Variants in FER observed in about 807,000 individuals in gnomAD.
The protein encoded by FER is FER tyrosine kinase.
In FER, 63 loss-of-function variants were observed where a neutral mutation model predicts 111.0. The ratio of observed to expected loss-of-function variants is 0.57; its 90% CI spans 0.46 to 0.70. FER has a LOEUF of 0.70. Ranked by LOEUF, FER falls within the 30% of genes least tolerant of loss-of-function variation. FER has a pLI of 0.00. For missense variants in FER, 914 were observed against 954.0 expected (o/e 0.96, Z 0.55); for synonymous variants, 327 against 313.9 (o/e 1.04, Z -0.44).
rs376837075 is a variant in FER, at chr5:108,832,750, CTT to C, written c.208-5_208-4del. On this transcript the variant is annotated intron_variant, in intron 3 of 19. Coordinates refer to ENST00000281092, the MANE Select transcript of FER (RefSeq NM_005246.4). ...AAACCTTTAATGCAAATGTTTGTTT[CTT>C]TTTTTTTTTTTTTTAAGTCTTGGCT... The C allele has an allele frequency of 0.013, 15,664 of 1,223,218 alleles. No homozygotes were observed. Among genetic ancestry groups the C allele is most frequent in the South Asian group, 0.027 (1,241 of 45,786 alleles). The allele number at this position is 1,223,218 out of a possible 1,614,324, so 75.8% of individuals were successfully genotyped here. A position where few individuals can be genotyped will look rare whatever the true frequency, so the allele number is the denominator to read the frequency against.
At chr5:109,153,715 C>T (rs1755086244) in intron 17 of FER, among the ~76,000 whole-genome samples, 1 of 151,772 alleles carries the variant, frequency 6.6e-6, no homozygotes, top group East Asian at 1.9e-4. Flanking sequence ...ATCATTATCC[C>T]CAGTTTACAG....
At chr5:109,131,129 T>G (rs1198574911) in intron 17 of FER, among the ~76,000 whole-genome samples, 2 of 152,202 alleles carry the variant, frequency 1.3e-5, no homozygotes. Flanking sequence ...AACTTTTTTC[T>G]GGTAAATCAT....
At chr5:108,896,378 G>T (rs1262952452) in intron 9 of FER, among the ~76,000 whole-genome samples, 1 of 152,072 alleles carries the variant, frequency 6.6e-6, no homozygotes, top group Non-Finnish European at 1.5e-5. Context: ...AAATAAACCA[G>T]CATGAACTTA....
chr5:108,945,388 C>A (rs1756848868), intron 10 of FER, among the ~76,000 whole-genome samples: 1 of 151,848 alleles, frequency 6.6e-6, no homozygotes, highest in Admixed American at 6.6e-5. Flanking sequence ...GCCCTCTTAC[C>A]TACCCCATTC....
In FER at chr5:108,872,208, G is replaced by C; in HGVS notation, c.919G>C (p.Val307Leu). The C allele has an allele frequency of 6.2e-7, 1 of 1,601,354 alleles. No individual in the cohort carries two copies. Among genetic ancestry groups the C allele is most frequent in the Middle Eastern group, 1.7e-4 (1 of 5,984 alleles). Residue 307 changes from valine (V) to leucine (L), a missense_variant, in exon 8 of 20, where the codon GTA (valine) becomes CTA (leucine). Physicochemically the swap from Val to Leu is conservative, Grantham distance 32 (BLOSUM62 1). Coordinates refer to ENST00000281092, the MANE Select transcript of FER (RefSeq NM_005246.4). ...WNNLTAESLQ[V>L]MLKTLAEELM... ...TAACTTAACAGCAGAAAGTTTGCAAGTAATGTAAGTATTCACAAAATATCA... is the reference window on the plus strand; with the variant it reads ...TAACTTAACAGCAGAAAGTTTGCAACTAATGTAAGTATTCACAAAATATCA...
At chr5:108,819,465 A>G (rs562283943) in intron 3 of FER, among the ~76,000 whole-genome samples, 1 of 152,320 alleles carries the variant, frequency 6.6e-6, no homozygotes, top group Non-Finnish European at 1.5e-5. Context: ...TCCATTATTT[A>G]GGTGTGTGAC....
intron 5 of FER, among the ~76,000 whole-genome samples, chr5:108,851,969 TAGAGGCACTTGAA>T (rs1762583686): frequency 6.6e-6 from 1 of 152,330 alleles, no homozygotes; most frequent in Admixed American, 6.5e-5. Flanking sequence ...TCAGTCAGTC[TAGAGGCACTTGAA>T]AGGAGTTCTC....
chr5:108,863,480 T>A (rs1279908799), intron 5 of FER, among the ~76,000 whole-genome samples: 1 of 152,206 alleles, frequency 6.6e-6, no homozygotes, highest in Admixed American at 6.5e-5. Flanking sequence ...TGCTAAGTAG[T>A]AATATTCATG....
intron 5 of FER, among the ~76,000 whole-genome samples, chr5:108,848,407 T>TA (rs1264054427): frequency 2.6e-5 from 4 of 152,232 alleles, no homozygotes; most frequent in Non-Finnish European, 5.9e-5. Flanking sequence ...CACTTTGCCT[T>TA]TATTCTACCT....
At chr5:109,027,567 A>C (rs1337863557) in intron 13 of FER, among the ~76,000 whole-genome samples, 1 of 152,156 alleles carries the variant, frequency 6.6e-6, no homozygotes, top group Non-Finnish European at 1.5e-5. Flanking sequence ...CTTGAGATCG[A>C]ATTTCAAATA....
At chr5:108,966,576 C>A (rs137983768) in intron 13 of FER, among the ~76,000 whole-genome samples, 1 of 151,700 alleles carries the variant, frequency 6.6e-6, no homozygotes, top group South Asian at 2.1e-4. Context: ...TTAGTAGAGA[C>A]GGGGTTTCAT....
rs576128833 is a variant in FER, at chr5:108,757,333, G to A, written c.-206+9333G>A. 2.6e-5 allele frequency among the ~76,000 whole-genome samples: 4 copies of A among 152,220 alleles called. No homozygotes were observed. In the South Asian group the frequency reaches 8.3e-4, roughly 32 times the overall value. On this transcript the variant is annotated intron_variant, in intron 1 of 19. Transcript: ENST00000281092. ...CTTTGGCTTTGTTCTGTTTGAGATT[G>A]TCCTAAACTATAACTTCTGTGAAGT...
At chr5:109,052,388 C>G (rs1772959266) in intron 16 of FER, 4 of 1,561,360 alleles carry the variant, frequency 2.6e-6, no homozygotes, top group Non-Finnish European at 3.5e-6. Flanking sequence ...GACAGCCACA[C>G]CTTCCCTCCA....
intron 13 of FER, among the ~76,000 whole-genome samples, chr5:109,016,526 C>G (rs1278120921): frequency 6.6e-6 from 1 of 152,004 alleles, no homozygotes; most frequent in Non-Finnish European, 1.5e-5. Context: ...ACAATACACA[C>G]TTGTGTACTT....
intron 9 of FER, among the ~76,000 whole-genome samples, chr5:108,888,498 C>T (rs1405724279): frequency 6.6e-6 from 1 of 151,820 alleles, no homozygotes; most frequent in African/African-American, 2.4e-5. Flanking sequence ...AGAAGATAAC[C>T]TGCATGTGAA....
rs142818071 is a variant in FER at position 108,872,138 on chromosome 5, A to G, written c.849A>G (p.Leu283=). The G allele has an allele frequency of 6.2e-7, 1 of 1,611,562 alleles. No homozygotes were observed. The highest frequency in any genetic ancestry group is 8.5e-7 in the Non-Finnish European group (1 of 1,178,674). ...AAGAAATAGAGTTTGATACTTCCTT[A>G]CTGGAAGAAAATGAAAATCTTCAGG... is the stretch of plus-strand genomic sequence containing the variant. ...KEQEIEFDTS[L]LEENENLQAN... Residue 283 remains leucine, a synonymous_variant, in exon 8 of 20, where the codon TTA becomes TTG. Transcript: ENST00000281092.
chr5:109,110,085 C>T (rs186850160), intron 17 of FER, among the ~76,000 whole-genome samples: 29 of 152,254 alleles, frequency 1.9e-4, no homozygotes, highest in Admixed American at 1.8e-3. Context: ...TCTGCTACTT[C>T]ACTTTCATTA....
rs1004097387 is a variant in FER, at chr5:108,914,263, A to G, written c.1236+16415A>G. ...TGTGTGTGTGTGTGTGTGTGTGTGT[A>G]TGTGTTAGATTGTGTGTTGAGCTTT... On this transcript the variant is annotated intron_variant, in intron 10 of 19. Transcript: ENST00000281092. Among the ~76,000 whole-genome samples, 21 of 141,260 alleles carry G rather than the reference A, an allele frequency of 1.5e-4. No individual in the cohort carries two copies. In the East Asian group the frequency reaches 2.4e-3, roughly 16 times the overall value. The allele number at this position is 141,260 out of a possible 152,430, so 92.7% of individuals were successfully genotyped here. A position where few individuals can be genotyped will look rare whatever the true frequency, so the allele number is the denominator to read the frequency against.
At chr5:108,895,912 T>A (rs1181465497) in intron 9 of FER, among the ~76,000 whole-genome samples, 1 of 152,188 alleles carries the variant, frequency 6.6e-6, no homozygotes. Context: ...TTGCAAAGTT[T>A]ATTTTTATTC....
Sources: gnomAD v4.1 joint callset for allele counts (sites outside exome capture counted in the v4.1 genomes callset) on GRCh38, gnomAD v4.1.1 for gene constraint, MANE v1.5 for transcripts, NCBI Gene and HGNC (gene_info 2026-07-23, HGNC 2026-07-21) for gene names.